Variants in SNTG2 observed in about 807,000 individuals in gnomAD.
The protein encoded by SNTG2 is gamma-2-syntrophin.
SNTG2 carries 74 observed loss-of-function variants against 70.9 expected under a neutral mutation model. The observed-to-expected ratio is 1.04, with a 90% CI of 0.86 to 1.27. The LOEUF (loss-of-function observed/expected upper bound fraction) is 1.27, where lower values mean the gene tolerates loss of function less well. SNTG2 is among the 50% of genes most tolerant of loss of function. SNTG2 has a pLI of 0.00. For synonymous variants in SNTG2, 278 were observed against 273.8 expected (o/e 1.02, Z -0.15); for missense variants, 717 against 690.7 (o/e 1.04, Z -0.43).
chr2:1,065,610 TTTG>T (rs1288086889), intron 1 of SNTG2, among the ~76,000 whole-genome samples: 1 of 152,266 alleles, frequency 6.6e-6, no homozygotes, highest in Non-Finnish European at 1.5e-5. Flanking sequence ...AGGAGGCATT[TTTG>T]TTTTTGTTAA....
At chr2:1,068,528 T>G (rs1663306868) in intron 1 of SNTG2, among the ~76,000 whole-genome samples, 1 of 152,160 alleles carries the variant, frequency 6.6e-6, no homozygotes, top group African/African-American at 2.4e-5. Context: ...AAAATATGAG[T>G]GATAAAATGC....
chr2:967,709 T>G (rs1012534824), intron 1 of SNTG2, among the ~76,000 whole-genome samples: 5 of 152,184 alleles, frequency 3.3e-5, no homozygotes, highest in Non-Finnish European at 5.9e-5. Context: ...ATTGGTGTAA[T>G]CCTGGCCTGT....
intron 4 of SNTG2, among the ~76,000 whole-genome samples, chr2:1,128,390 A>T (rs991789296): frequency 6.6e-6 from 1 of 152,210 alleles, no homozygotes; most frequent in Non-Finnish European, 1.5e-5. Context: ...TACATAAAAA[A>T]ATTTGAAAAA....
At chr2:1,281,691 A>G (rs537317822) in intron 14 of SNTG2, among the ~76,000 whole-genome samples, 10 of 152,238 alleles carry the variant, frequency 6.6e-5, no homozygotes, top group African/African-American at 2.4e-4. Flanking sequence ...ATGAAGGTGA[A>G]GGTATGTTCC....
intron 10 of SNTG2, among the ~76,000 whole-genome samples, chr2:1,238,367 C>A (rs1181797078): frequency 6.6e-6 from 1 of 152,090 alleles, no homozygotes; most frequent in Admixed American, 6.5e-5. Flanking sequence ...TGCATTGATA[C>A]AGTGTGACAT....
intron 1 of SNTG2, among the ~76,000 whole-genome samples, chr2:984,419 ATT>A (rs1661236845): frequency 1.3e-5 from 2 of 151,956 alleles, no homozygotes; most frequent in African/African-American, 4.8e-5. Context: ...AGGCTTTTTC[ATT>A]TCACTCATTT....
chr2:1,315,608 T>C (rs912007659), intron 15 of SNTG2, among the ~76,000 whole-genome samples: 2 of 152,290 alleles, frequency 1.3e-5, no homozygotes, highest in East Asian at 1.9e-4. Flanking sequence ...TGCAGCCTTT[T>C]TTATTTATGG....
chr2:1,145,732 C>T (rs1043761237), intron 6 of SNTG2, among the ~76,000 whole-genome samples: 3 of 152,104 alleles, frequency 2.0e-5, no homozygotes, highest in Non-Finnish European at 4.4e-5. Context: ...ATACCAAAAC[C>T]AGATGAAGAC....
At chr2:1,069,224 A>G (rs1663356669) in intron 1 of SNTG2, among the ~76,000 whole-genome samples, 1 of 152,200 alleles carries the variant, frequency 6.6e-6, no homozygotes, top group African/African-American at 2.4e-5. Flanking sequence ...TTCATCCTGC[A>G]AGACTGTGCT....
chr2:1,361,892 A>C, intron 16 of SNTG2, among the ~76,000 whole-genome samples: 1 of 98,340 alleles, frequency 1.0e-5, no homozygotes, highest in African/African-American at 3.7e-5. Flanking sequence ...TGAGCATTTC[A>C]GTAGAACTTC....
chr2:1,217,266 A>G (rs571738412), intron 9 of SNTG2, among the ~76,000 whole-genome samples: 12 of 152,320 alleles, frequency 7.9e-5, no homozygotes, highest in African/African-American at 2.9e-4. Flanking sequence ...AAGCCCGTGC[A>G]CTGGCAGAAG....
At chr2:1,360,541 CACA>C (rs796375243) in intron 16 of SNTG2, among the ~76,000 whole-genome samples, 4 of 152,230 alleles carry the variant, frequency 2.6e-5, no homozygotes, top group African/African-American at 9.6e-5. Flanking sequence ...TGGCACCTGC[CACA>C]ACAAGTGAGG....
At chr2:1,155,360 CAT>C (rs756071421) in intron 6 of SNTG2, among the ~76,000 whole-genome samples, 12 of 152,234 alleles carry the variant, frequency 7.9e-5, no homozygotes, top group East Asian at 3.9e-4. Context: ...ACCACACACA[CAT>C]GTCCCTCATC....
chr2:1,214,735 T>A (rs76082105), intron 9 of SNTG2, among the ~76,000 whole-genome samples: 3,341 of 152,300 alleles, frequency 0.022, 56 homozygotes, highest in Non-Finnish European at 0.032. Flanking sequence ...TTATTTCTTT[T>A]TCATAATTGT....
At chr2:1,126,304 G>C (rs976219926) in intron 4 of SNTG2, among the ~76,000 whole-genome samples, 4 of 152,170 alleles carry the variant, frequency 2.6e-5, no homozygotes, top group African/African-American at 9.6e-5. Flanking sequence ...ACTCTGCCAC[G>C]AATGGGAGTG....
At chr2:1,308,134 A>G (rs934686507) in intron 14 of SNTG2, among the ~76,000 whole-genome samples, 1 of 152,180 alleles carries the variant, frequency 6.6e-6, no homozygotes, top group African/African-American at 2.4e-5. Flanking sequence ...ATTCCCCAAT[A>G]GGTACAATGA....
At chr2:1,267,292 C>T (rs933011164) in intron 13 of SNTG2, 73 bp from the exon 14 acceptor site, 2 of 1,415,916 alleles carry the variant, frequency 1.4e-6, no homozygotes, top group African/African-American at 2.8e-5. Context: ...CTGCCTTCTC[C>T]CCACACCAGG....
At chr2:1,271,530 CAAGT>C (rs1679019390) in intron 14 of SNTG2, among the ~76,000 whole-genome samples, 1 of 152,076 alleles carries the variant, frequency 6.6e-6, no homozygotes, top group African/African-American at 2.4e-5. Flanking sequence ...CCTTTGGCTA[CAAGT>C]AAGAGAAAGT....
At chr2:1,203,914 C>G (rs181330938) in intron 8 of SNTG2, among the ~76,000 whole-genome samples, 5 of 152,106 alleles carry the variant, frequency 3.3e-5, no homozygotes, top group African/African-American at 1.2e-4. Context: ...TTTATAATAT[C>G]CTCAAGCAAC....
Sources: allele counts gnomAD v4.1 joint callset (sites outside exome capture counted in the v4.1 genomes callset), GRCh38; gene constraint gnomAD v4.1.1; transcripts MANE v1.5; gene names NCBI Gene and HGNC (gene_info 2026-07-23, HGNC 2026-07-21).